ASAH2B: variants seen among roughly 807,000 people sequenced by gnomAD.
ASAH2B encodes the protein N-acylsphingosine amidohydrolase 2B, also known as putative inactive neutral ceramidase B.
In ASAH2B, 1 loss-of-function variant was observed where a neutral mutation model predicts 2.9. That is an observed-to-expected ratio of 0.34 (90% CI 0.12 to 1.63). The LOEUF (loss-of-function observed/expected upper bound fraction) is 1.63, where lower values mean the gene tolerates loss of function less well. Ranked by LOEUF, ASAH2B falls within the 40% of genes most tolerant of loss-of-function variation. The probability of loss-of-function intolerance (pLI) is 0.36; values close to 1 mark genes in which losing one functional copy is unlikely to be tolerated. For missense variants in ASAH2B, 9 were observed against 37.7 expected, an observed-to-expected ratio of 0.24 and a Z score of 1.99; for synonymous variants, 4 against 13.3, an observed-to-expected ratio of 0.30 and a Z score of 1.52.
intron 2 of ASAH2B, chr10:50,743,569 A>G (rs1230863460): frequency 1.3e-5 from 2 of 153,312 alleles, no homozygotes; most frequent in Non-Finnish European, 2.9e-5. Flanking sequence ...GAGTTGTTAA[A>G]TCAATGGAAG....
At position 50,756,038 on chromosome 10, in the gene ASAH2B, C is replaced by T. The variant is rs1463658199; in HGVS notation, c.*1298C>T. 1 of 82,832 alleles carries T rather than the reference C, an allele frequency of 1.2e-5. No individual in the cohort carries two copies. Among genetic ancestry groups the T allele is most frequent in the African/African-American group, 2.6e-5 (1 of 38,106 alleles). 5.1% of individuals were successfully genotyped at this position (82,832 alleles called of 1,614,324 possible). A position where few individuals can be genotyped will look rare whatever the true frequency, so the allele number is the denominator to read the frequency against. The stretch of plus-strand genomic sequence containing the variant: ...AGAATAAGATATGACAATCTGACAT[C>T]GATTGTCTGAAAGTACTAATTGCAT... On this transcript the variant is annotated 3_prime_UTR_variant, in exon 6 of 6. Transcript: ENST00000647317.
chr10:50,756,942 G>T lies in ASAH2B; in HGVS notation c.*2202G>T, dbSNP rs1837105911. 1 of 151,754 alleles carries T rather than the reference G, an allele frequency of 6.6e-6. No homozygotes were observed. The highest frequency in any genetic ancestry group is 1.5e-5 in the Non-Finnish European group (1 of 67,788). The allele number at this position is 151,754 out of a possible 1,614,324, so 9.4% of individuals were successfully genotyped here. The stretch of plus-strand genomic sequence containing the variant: ...CATGTGGCGGAAACTCCTGAAATTG[G>T]TGGAAAAAGTGGAATATGGCAGATT... On this transcript the variant is annotated 3_prime_UTR_variant, in exon 6 of 6. Transcript: ENST00000647317.
At chr10:50,746,192 A>G (rs1002656249) in intron 3 of ASAH2B, among the ~76,000 whole-genome samples, 1 of 150,920 alleles carries the variant, frequency 6.6e-6, no homozygotes, top group Non-Finnish European at 1.5e-5. Context: ...CCAACATTCT[A>G]CTCTCTACTT....
At position 50,757,332 on chromosome 10, in the gene ASAH2B, C is replaced by A. The variant is rs1478802737; in HGVS notation, c.*2592C>A. 6.6e-6 allele frequency: 1 copy of A among 151,794 alleles called. No individual in the cohort carries two copies. The highest frequency in any genetic ancestry group is 1.5e-5 in the Non-Finnish European group (1 of 67,790). 9.4% of individuals were successfully genotyped at this position (151,794 alleles called of 1,614,324 possible). ...TAACCACTGAAGCACAAGGGAACCA[C>A]TTCTTTATCAGTTCCTTTCTAACTT... On this transcript the variant is annotated 3_prime_UTR_variant, in exon 6 of 6. Transcript: ENST00000647317.
Position 50,757,488 on chromosome 10 carries a change from C to G in ASAH2B, c.*2748C>G, listed in dbSNP as rs1028704275. 1.4e-5 allele frequency: 2 copies of G among 147,562 alleles called. No individual in the cohort carries two copies. Among genetic ancestry groups the G allele is most frequent in the African/African-American group, 4.9e-5 (2 of 40,984 alleles). The allele number at this position is 147,562 out of a possible 1,614,324, so 9.1% of individuals were successfully genotyped here. A position where few individuals can be genotyped will look rare whatever the true frequency, so the allele number is the denominator to read the frequency against. On this transcript the variant is annotated 3_prime_UTR_variant, in exon 6 of 6. Transcript: ENST00000647317. ...TATGAAATTGTTTCCTGCGCTAATT[C>G]TGAACAAAAAGACCAAGAATGAATT...
intron 4 of ASAH2B, among the ~76,000 whole-genome samples, chr10:50,751,562 G>T (rs965289961): frequency 6.6e-6 from 1 of 151,456 alleles, no homozygotes. Context: ...GGTTCCTATG[G>T]TTATGAAAAC....
At chr10:50,745,542 CT>C (rs1839893217) in intron 3 of ASAH2B, among the ~76,000 whole-genome samples, 1 of 123,330 alleles carries the variant, frequency 8.1e-6, no homozygotes, top group Non-Finnish European at 1.7e-5. Context: ...AGAGTTGTCT[CT>C]TAAGTCAAGG....
intron 5 of ASAH2B, among the ~76,000 whole-genome samples, chr10:50,753,804 C>T (rs1290443076): frequency 1.8e-4 from 8 of 45,516 alleles, no homozygotes; most frequent in Middle Eastern, 6.1e-3. Flanking sequence ...TACCAACTGA[C>T]CTGCTTTCTG....
At chr10:50,746,128 A>G (rs577134364) in intron 3 of ASAH2B, among the ~76,000 whole-genome samples, 8 of 151,604 alleles carry the variant, frequency 5.3e-5, no homozygotes, top group East Asian at 1.9e-4. Flanking sequence ...TTTGATCAAT[A>G]GAATATAAAA....
intron 1 of ASAH2B, 74 bp from the exon 2 acceptor site, chr10:50,742,841 C>A: frequency 6.8e-7 from 1 of 1,474,278 alleles, no homozygotes; most frequent in Non-Finnish European, 9.5e-7. Context: ...ATCACACTTA[C>A]CTAAAATGCT....
intron 2 of ASAH2B, among the ~76,000 whole-genome samples, 188 bp from the exon 3 acceptor site, chr10:50,744,940 A>G (rs1256165290): frequency 6.7e-6 from 1 of 149,620 alleles, no homozygotes; most frequent in African/African-American, 2.5e-5. Flanking sequence ...CAAGAGTTTA[A>G]ATTATGAATT....
rs1034520567 is a variant in ASAH2B, at chr10:50,756,234, A to G, written c.*1494A>G. On this transcript the variant is annotated 3_prime_UTR_variant, in exon 6 of 6. Transcript: ENST00000647317. ...AAATAATAACAATATTCATAATGGTAGTATTAACATCTATTATGTATAACT... is the reference window on the plus strand; with the variant it reads ...AAATAATAACAATATTCATAATGGTGGTATTAACATCTATTATGTATAACT... 1.1e-4 allele frequency: 17 copies of G among 151,368 alleles called. No individual in the cohort carries two copies. Among genetic ancestry groups the G allele is most frequent in the Non-Finnish European group, 2.2e-4 (15 of 67,622 alleles). 9.4% of individuals were successfully genotyped at this position (151,368 alleles called of 1,614,324 possible). A position where few individuals can be genotyped will look rare whatever the true frequency, so the allele number is the denominator to read the frequency against.
chr10:50,742,002 A>G (rs1304941287), intron 1 of ASAH2B, among the ~76,000 whole-genome samples: 1 of 152,196 alleles, frequency 6.6e-6, no homozygotes, highest in Non-Finnish European at 1.5e-5. Context: ...GAGAGGATCA[A>G]AAAACTACTT....
In ASAH2B at chr10:50,756,684, A is replaced by T. The variant is rs1307177500; in HGVS notation, c.*1944A>T. The T allele has an allele frequency of 6.6e-6, 1 of 152,018 alleles. No homozygotes were observed. The highest frequency in any genetic ancestry group is 2.4e-5 in the African/African-American group (1 of 41,428). The allele number at this position is 152,018 out of a possible 1,614,324, so 9.4% of individuals were successfully genotyped here. On this transcript the variant is annotated 3_prime_UTR_variant, in exon 6 of 6. Coordinates refer to ENST00000647317, the MANE Select transcript of ASAH2B (RefSeq NM_001321958.2). ...TTCTGCACCTAGCACTCTTGGCTCC[A>T]GATAACGCACAGAAACCTATTTTCT... is the stretch of plus-strand genomic sequence containing the variant.
rs547981268 is a variant in ASAH2B, at chr10:50,746,894, G to C, written c.144+1620G>C. Among the ~76,000 whole-genome samples the C allele has an allele frequency of 4.7e-4, 70 of 150,036 alleles. 2 individuals are homozygous for C. Among genetic ancestry groups the C allele is most frequent in the South Asian group, 1.5e-3 (7 of 4,728 alleles). On this transcript the variant is annotated intron_variant, in intron 3 of 5. Coordinates refer to ENST00000647317, the MANE Select transcript of ASAH2B (RefSeq NM_001321958.2). ...GTTGTTTGAGTACCTTATATCTTTT[G>C]GATATTAACTCTTTATTGGATGCAT...
chr10:50,754,956 G>GAGAC lies in ASAH2B; in HGVS notation c.*219_*220insCAGA. The GAGAC allele has an allele frequency of 2.2e-6, 1 of 452,172 alleles. No homozygotes were observed. 28.0% of individuals were successfully genotyped at this position (452,172 alleles called of 1,614,324 possible). On this transcript the variant is annotated 3_prime_UTR_variant, in exon 6 of 6. Transcript: ENST00000647317. ...TGTGTGTATGTGAGAGAGAGAGAGAGAGAGAGAGGTTTGTCCCATATATCT... is the reference window on the plus strand; with the variant it reads ...TGTGTGTATGTGAGAGAGAGAGAGAGAGACAGAGAGAGGTTTGTCCCATATATCT...
intron 3 of ASAH2B, among the ~76,000 whole-genome samples, chr10:50,747,691 TTAA>T (rs1839928220): frequency 6.6e-6 from 1 of 151,848 alleles, no homozygotes; most frequent in Non-Finnish European, 1.5e-5. Flanking sequence ...TTTTGTTATT[TTAA>T]TAAGGTATTT....
chr10:50,746,768 A>C (rs559929544), intron 3 of ASAH2B, among the ~76,000 whole-genome samples: 2 of 151,102 alleles, frequency 1.3e-5, no homozygotes, highest in Admixed American at 1.3e-4. Flanking sequence ...TGAACATTTA[A>C]AAAAATACCC....
chr10:50,740,155 G>A (rs1022118516), intron 1 of ASAH2B, among the ~76,000 whole-genome samples, 172 bp downstream of exon 1: 11 of 152,040 alleles, frequency 7.2e-5, no homozygotes, highest in Non-Finnish European at 1.3e-4. Flanking sequence ...GTCGTTGGGA[G>A]AGGGAACGGG....
Sources: allele counts gnomAD v4.1 joint callset (sites outside exome capture counted in the v4.1 genomes callset), GRCh38; gene constraint gnomAD v4.1.1; transcripts MANE v1.5; gene names NCBI Gene and HGNC (gene_info 2026-07-23, HGNC 2026-07-21).